Variants in NLN observed in about 807,000 individuals in gnomAD.
NLN encodes the protein neurolysin, mitochondrial.
In NLN, 64 loss-of-function variants were observed where a neutral mutation model predicts 79.9. That is an observed-to-expected ratio of 0.80 (90% CI 0.65 to 0.99). The LOEUF (loss-of-function observed/expected upper bound fraction) is 0.99, where lower values mean the gene tolerates loss of function less well. Ranked by LOEUF, NLN falls within the 50% of genes least tolerant of loss-of-function variation. The pLI is 0.00. For missense variants in NLN, 835 were observed against 858.7 expected (o/e 0.97, Z 0.34); for synonymous variants, 267 against 296.6 (o/e 0.90, Z 1.02).
Position 65,722,277 on chromosome 5 carries a change from C to A in NLN, c.-97C>A. 2.1e-6 allele frequency: 2 copies of A among 936,386 alleles called. No individual in the cohort carries two copies. The highest frequency in any genetic ancestry group is 1.8e-5 in the South Asian group (1 of 56,232). 58.0% of individuals were successfully genotyped at this position (936,386 alleles called of 1,614,324 possible). ...GCCACTGTGGCCTCTGCGGCTAGGC[C>A]GGCTCGAGACTCCCGGGCGCCCAGG... On this transcript the variant is annotated 5_prime_UTR_variant, in exon 1 of 13. Transcript: ENST00000380985.
At chr5:65,748,622 G>C (rs534945988) in intron 1 of NLN, among the ~76,000 whole-genome samples, 1 of 152,198 alleles carries the variant, frequency 6.6e-6, no homozygotes, top group Admixed American at 6.5e-5. Context: ...AGGCATGATG[G>C]TGCATGCCTA....
At chr5:65,774,731 T>TATA (rs1320186215) in intron 3 of NLN, among the ~76,000 whole-genome samples, 196 of 125,978 alleles carry the variant, frequency 1.6e-3, no homozygotes, top group African/African-American at 4.7e-3. Flanking sequence ...ATATATATAT[T>TATA]TTTTTTTTTT....
chr5:65,813,321 C>T (rs1187438583), intron 12 of NLN, among the ~76,000 whole-genome samples: 1 of 145,572 alleles, frequency 6.9e-6, no homozygotes, highest in Non-Finnish European at 1.5e-5. Flanking sequence ...TTTTCCATTA[C>T]CTGGCCAACC....
intron 9 of NLN, chr5:65,792,916 G>A (rs1378755856): frequency 2.0e-6 from 1 of 499,866 alleles, no homozygotes; most frequent in East Asian, 5.1e-5. Context: ...GTAAGGAAAG[G>A]TTACAAATAC....
intron 9 of NLN, among the ~76,000 whole-genome samples, chr5:65,802,726 G>T (rs1366884561): frequency 6.6e-6 from 1 of 152,154 alleles, no homozygotes; most frequent in Non-Finnish European, 1.5e-5. Context: ...GACGCACAAT[G>T]GGTAGCTCCT....
intron 9 of NLN, chr5:65,793,620 G>A (rs1760112051): frequency 7.3e-6 from 1 of 136,778 alleles, no homozygotes; most frequent in South Asian, 2.3e-4. Flanking sequence ...TGACAGAGCA[G>A]ACCTTGACTT....
rs1579930977 is a variant in NLN, at chr5:65,762,696, C to T, written c.302-264C>T. On this transcript the variant is annotated intron_variant, in intron 2 of 12. Coordinates refer to ENST00000380985, the MANE Select transcript of NLN (RefSeq NM_020726.5). ...CCAGCCTGGGCGACAAAGCAAGACC[C>T]TGTCTCAAAAAAAAAAAAAATTGTA... 1.6e-5 allele frequency among the ~76,000 whole-genome samples: 2 copies of T among 125,828 alleles called. 1 individual carries two copies. The highest frequency in any genetic ancestry group is 5.3e-5 in the African/African-American group (2 of 37,478). 82.5% of individuals were successfully genotyped at this position (125,828 alleles called of 152,430 possible). A position where few individuals can be genotyped will look rare whatever the true frequency, so the allele number is the denominator to read the frequency against.
In NLN at chr5:65,826,757, TA is replaced by T. The variant is rs1252559940; in HGVS notation, c.*3843del. 1.3e-5 allele frequency: 2 copies of T among 151,992 alleles called. No individual in the cohort carries two copies. The highest frequency in any genetic ancestry group is 2.9e-5 in the Non-Finnish European group (2 of 68,048). 9.4% of individuals were successfully genotyped at this position (151,992 alleles called of 1,614,324 possible). A position where few individuals can be genotyped will look rare whatever the true frequency, so the allele number is the denominator to read the frequency against. ...CTGTCTCTACAAAAACTAAAAAAAT[TA>T]GCTAGGGATGGTGGCACATGCCTGT... On this transcript the variant is annotated 3_prime_UTR_variant, in exon 13 of 13. Transcript: ENST00000380985.
intron 1 of NLN, among the ~76,000 whole-genome samples, chr5:65,739,194 T>C (rs1252849423): frequency 6.6e-6 from 1 of 151,504 alleles, no homozygotes; most frequent in Non-Finnish European, 1.5e-5. Flanking sequence ...TGAGCCACCA[T>C]GCCTGGCCAA....
chr5:65,799,389 G>A (rs767651176), intron 9 of NLN, among the ~76,000 whole-genome samples: 7 of 152,154 alleles, frequency 4.6e-5, no homozygotes, highest in Non-Finnish European at 8.8e-5. Flanking sequence ...TTGAAAAAAA[G>A]TAGAGAGGTG....
intron 3 of NLN, among the ~76,000 whole-genome samples, chr5:65,768,197 C>T (rs1370430945): frequency 6.6e-6 from 1 of 152,122 alleles, no homozygotes; most frequent in Non-Finnish European, 1.5e-5. Context: ...TGTATCAGTC[C>T]ATTCTCACAC....
At chr5:65,755,507 TG>T (rs1759198795) in intron 1 of NLN, among the ~76,000 whole-genome samples, 1 of 152,244 alleles carries the variant, frequency 6.6e-6, no homozygotes, top group Admixed American at 6.5e-5. Flanking sequence ...ACAAGTTTTT[TG>T]TGGGAGTTGA....
At chr5:65,811,757 G>A (rs931142504) in intron 11 of NLN, among the ~76,000 whole-genome samples, 2 of 148,582 alleles carry the variant, frequency 1.3e-5, no homozygotes, top group South Asian at 2.1e-4. Context: ...GGGATGCTGA[G>A]GTTGCATTGA....
intron 1 of NLN, among the ~76,000 whole-genome samples, chr5:65,741,840 G>T (rs530436298): frequency 6.6e-6 from 1 of 152,272 alleles, no homozygotes; most frequent in South Asian, 2.1e-4. Flanking sequence ...TTTAAGAAAA[G>T]AAATCTCTTC....
At chr5:65,791,790 C>T (rs1579954548) in intron 8 of NLN, among the ~76,000 whole-genome samples, 1 of 151,900 alleles carries the variant, frequency 6.6e-6, no homozygotes, top group South Asian at 2.1e-4. Context: ...GGAAAGGACA[C>T]GTACTCCCAA....
At chr5:65,762,929 G>A (rs780771460) in intron 2 of NLN, 31 bp from the exon 3 acceptor site, 2 of 1,609,560 alleles carry the variant, frequency 1.2e-6, no homozygotes, top group Non-Finnish European at 1.7e-6. Flanking sequence ...AAGTCCTGTT[G>A]TGTGGTGATA....
rs1397413168 is a variant in NLN, at chr5:65,824,334, C to G, written c.*1419C>G. On this transcript the variant is annotated 3_prime_UTR_variant, in exon 13 of 13. Coordinates refer to ENST00000380985, the MANE Select transcript of NLN (RefSeq NM_020726.5). ...TTACAGATAGCAGGAAATGCAAGAGCTAGGAGATTCCTAGATTATATCTGC... is the reference window on the plus strand; with the variant it reads ...TTACAGATAGCAGGAAATGCAAGAGGTAGGAGATTCCTAGATTATATCTGC... 1 of 152,158 alleles carries G rather than the reference C, an allele frequency of 6.6e-6. No individual in the cohort carries two copies. The highest frequency in any genetic ancestry group is 6.6e-5 in the Admixed American group (1 of 15,266). 9.4% of individuals were successfully genotyped at this position (152,158 alleles called of 1,614,324 possible).
intron 9 of NLN, among the ~76,000 whole-genome samples, chr5:65,805,854 G>A (rs1303708439): frequency 6.6e-6 from 1 of 152,240 alleles, no homozygotes. Flanking sequence ...TGCCTGGCTT[G>A]AAAGCTTCAA....
At chr5:65,741,673 A>G (rs1385646430) in intron 1 of NLN, among the ~76,000 whole-genome samples, 1 of 152,202 alleles carries the variant, frequency 6.6e-6, no homozygotes, top group East Asian at 1.9e-4. Flanking sequence ...ATGTTTCTAG[A>G]GAAAAATAAA....
Sources: gnomAD v4.1 joint callset for allele counts (sites outside exome capture counted in the v4.1 genomes callset) on GRCh38, gnomAD v4.1.1 for gene constraint, MANE v1.5 for transcripts, NCBI Gene and HGNC (gene_info 2026-07-23, HGNC 2026-07-21) for gene names.